The following STKLD1 variants were observed in gnomAD, a reference collection of about 807,000 sequenced individuals.
The protein encoded by STKLD1 is serine/threonine kinase like domain containing 1.
STKLD1 carries 79 observed loss-of-function variants against 80.4 expected under a neutral mutation model. That is an observed-to-expected ratio of 0.98 (90% CI 0.82 to 1.19). The LOEUF (loss-of-function observed/expected upper bound fraction) is 1.19. Ranked by LOEUF, STKLD1 falls within the 50% of genes most tolerant of loss-of-function variation. The pLI is 0.00. For synonymous variants in STKLD1, 393 were observed against 357.6 expected (o/e 1.10, Z -1.12); for missense variants, 841 against 856.0 (o/e 0.98, Z 0.22).
chr9:133,378,733 C>A (rs1261851045), intron 1 of STKLD1, among the ~76,000 whole-genome samples: 1 of 152,168 alleles, frequency 6.6e-6, no homozygotes, highest in Non-Finnish European at 1.5e-5. Context: ...TGAATAAGCC[C>A]TTTTTCTCTG....
intron 11 of STKLD1, 120 bp from the exon 12 acceptor site, chr9:133,400,293 C>A: frequency 1.4e-6 from 1 of 709,554 alleles, no homozygotes; most frequent in South Asian, 1.6e-5. Context: ...TGTCCTTCCC[C>A]CTTCTATTCA....
chr9:133,394,276 T>G lies in STKLD1; in HGVS notation c.584-15T>G. 6.3e-7 allele frequency: 1 copy of G among 1,580,014 alleles called. No individual in the cohort carries two copies. The highest frequency in any genetic ancestry group is 8.7e-7 in the Non-Finnish European group (1 of 1,149,052). On this transcript the variant is annotated splice_polypyrimidine_tract_variant and intron_variant, in intron 7 of 17. Coordinates refer to ENST00000371957, the MANE Select transcript of STKLD1 (RefSeq NM_153710.5). The surrounding 1 kb of genome is among the most constrained non-coding windows in gnomAD (Gnocchi z 4.9). ...AGCAAAGGACTCAGGGATCCCACCT[T>G]GCTTTTACCAACAGACCCCTTTCGT... is the stretch of plus-strand genomic sequence containing the variant.
chr9:133,403,881 G>A (rs1564386112), intron 15 of STKLD1, 39 bp from the exon 16 acceptor site: 8 of 1,609,734 alleles, frequency 5.0e-6, no homozygotes, highest in Non-Finnish European at 5.1e-6. Flanking sequence ...TGGGCCTCAT[G>A]GCACAGCAGG....
Position 133,405,554 on chromosome 9 carries a change from A to C in STKLD1, c.*133A>C. ...GGGAGGGGTAATCAGACCTCTCCAA[A>C]GAGTTTCCTGTCCATGACTGCTGGA... On this transcript the variant is annotated 3_prime_UTR_variant, in exon 18 of 18. Transcript: ENST00000371957. 2.3e-6 allele frequency: 2 copies of C among 878,670 alleles called. No individual in the cohort carries two copies. The highest frequency in any genetic ancestry group is 3.3e-6 in the Non-Finnish European group (2 of 604,342). 54.4% of individuals were successfully genotyped at this position (878,670 alleles called of 1,614,324 possible).
intron 5 of STKLD1, chr9:133,387,941 CAT>C (rs1838300996): frequency 1.6e-5 from 7 of 439,302 alleles, no homozygotes; most frequent in Non-Finnish European, 2.8e-5. Flanking sequence ...ACCAGCAAAT[CAT>C]GTGTTCATTG....
In STKLD1 at chr9:133,404,826, C is replaced by T. The variant is rs1554778387; in HGVS notation, c.1770C>T (p.Gly590=). The change falls in exon 17 of 18, where the codon GGC becomes GGT. Residue 590 remains glycine (G), a synonymous_variant. Coordinates refer to ENST00000371957, the MANE Select transcript of STKLD1 (RefSeq NM_153710.5). ...AAFKVVVQEE[G]GSGLSLIKET... ...TCAAGGTGGTGGTGCAGGAGGAGGG[C>T]GGCAGTGGCCTCAGCCTCATCAAGG... is the stretch of plus-strand genomic sequence containing the variant. 27 of 1,613,216 alleles carry T rather than the reference C, an allele frequency of 1.7e-5. No homozygotes were observed. The highest frequency in any genetic ancestry group is 2.2e-5 in the Non-Finnish European group (26 of 1,179,758).
Position 133,387,873 on chromosome 9 carries a change from C to T in STKLD1, c.396+325C>T, listed in dbSNP as rs1240532112. On this transcript the variant is annotated intron_variant, in intron 5 of 17. Coordinates refer to ENST00000371957, the MANE Select transcript of STKLD1 (RefSeq NM_153710.5). Reference sequence around the variant, plus strand: ...TGGACTCGTCCGGCATGCTGCCACTCCTGTCTGGTCTCCTTCCCTCAGCCT... The same window carrying T: ...TGGACTCGTCCGGCATGCTGCCACTTCTGTCTGGTCTCCTTCCCTCAGCCT... 4 of 495,494 alleles carry T rather than the reference C, an allele frequency of 8.1e-6. No individual in the cohort carries two copies. The East Asian group carries it at 2.3e-4, about 28-fold the overall frequency. 30.7% of individuals were successfully genotyped at this position (495,494 alleles called of 1,614,324 possible).
intron 7 of STKLD1, among the ~76,000 whole-genome samples, chr9:133,392,696 TGG>T (rs1838435891): frequency 8.8e-6 from 1 of 113,226 alleles, no homozygotes; most frequent in Non-Finnish European, 1.7e-5. Context: ...AGTAGGTGAG[TGG>T]ATGAGTGGAT....
intron 1 of STKLD1, among the ~76,000 whole-genome samples, chr9:133,377,232 T>A (rs1837999045): frequency 6.6e-6 from 1 of 151,496 alleles, no homozygotes; most frequent in South Asian, 2.1e-4. Context: ...TAAAAAAAAA[T>A]AGACGTTTCA....
chr9:133,380,557 G>A (rs2130263829), intron 2 of STKLD1, among the ~76,000 whole-genome samples: 27 of 152,260 alleles, frequency 1.8e-4, no homozygotes, highest in African/African-American at 3.8e-4. Context: ...GGGAGCTGAC[G>A]CGGGAGAATT....
At chr9:133,388,251 T>C (rs960855527) in intron 5 of STKLD1, among the ~76,000 whole-genome samples, 2 of 152,166 alleles carry the variant, frequency 1.3e-5, no homozygotes, top group Non-Finnish European at 2.9e-5. Flanking sequence ...TCAGTCTTGT[T>C]GTTGTTGTTG....
At position 133,376,433 on chromosome 9, in the gene STKLD1, GC is replaced by G; in HGVS notation, c.-39del. 1 of 1,535,340 alleles carries G rather than the reference GC, an allele frequency of 6.5e-7. No homozygotes were observed. Among genetic ancestry groups the G allele is most frequent in the East Asian group, 2.5e-5 (1 of 39,270 alleles). ...GTCCCACTGACCCACGCGGGGTGGGGCCAGGGGTGGACGCTCGCCCGTACGC... is the reference window on the plus strand; with the variant it reads ...GTCCCACTGACCCACGCGGGGTGGGGCAGGGGTGGACGCTCGCCCGTACGC... On this transcript the variant is annotated 5_prime_UTR_variant, in exon 1 of 18. Transcript: ENST00000371957.
rs181946907 is a variant in STKLD1 at position 133,389,366 on chromosome 9, G to A, written c.397-160G>A. ...GCTTTACCATCTGGAGAGCCACCAC[G>A]CTGAAGCCTCCTCCACCCTGAGCGC... is the stretch of plus-strand genomic sequence containing the variant. On this transcript the variant is annotated intron_variant, in intron 5 of 17. Transcript: ENST00000371957. The surrounding 1 kb of genome is among the most constrained non-coding windows in gnomAD (Gnocchi z 6.4). 1.3e-4 allele frequency: 131 copies of A among 985,342 alleles called. No homozygotes were observed. In the African/African-American group the frequency reaches 1.9e-3, roughly 14 times the overall value. The allele number at this position is 985,342 out of a possible 1,614,324, so 61.0% of individuals were successfully genotyped here.
chr9:133,399,893 AAGAG>A (rs1200133781), intron 11 of STKLD1, among the ~76,000 whole-genome samples: 17 of 141,946 alleles, frequency 1.2e-4, no homozygotes, highest in African/African-American at 5.0e-4. Flanking sequence ...AAAAAAAAAA[AAGAG>A]GGGGGGGTCT....
intron 2 of STKLD1, among the ~76,000 whole-genome samples, chr9:133,381,745 C>T (rs184472208): frequency 1.6e-4 from 24 of 152,340 alleles, no homozygotes; most frequent in Admixed American, 9.8e-4. Context: ...CCACTGTGCC[C>T]GGCCACAATG....
chr9:133,385,554 C>T lies in STKLD1; in HGVS notation c.220-63C>T. On this transcript the variant is annotated intron_variant, in intron 3 of 17. Coordinates refer to ENST00000371957, the MANE Select transcript of STKLD1 (RefSeq NM_153710.5). The surrounding 1 kb of genome is among the most constrained non-coding windows in gnomAD (Gnocchi z 4.9). Reference sequence around the variant, plus strand: ...TTTGTTGGGATGTGTGACAGAGAAGCCCGAGCTGAGAAAGGCGTGGAGAGG... The same window carrying T: ...TTTGTTGGGATGTGTGACAGAGAAGTCCGAGCTGAGAAAGGCGTGGAGAGG... 9.2e-6 allele frequency: 14 copies of T among 1,523,908 alleles called. No individual in the cohort carries two copies. The highest frequency in any genetic ancestry group is 1.3e-5 in the Non-Finnish European group (14 of 1,102,528). 94.4% of individuals were successfully genotyped at this position (1,523,908 alleles called of 1,614,324 possible).
Position 133,390,872 on chromosome 9 carries a change from C to A in STKLD1, c.583+76C>A. Reference sequence around the variant, plus strand: ...CAGGCGGCGTTGGCCACTCTGGGTGCTGGAGTGAGGCAACATCAAACAGCT... The same window carrying A: ...CAGGCGGCGTTGGCCACTCTGGGTGATGGAGTGAGGCAACATCAAACAGCT... On this transcript the variant is annotated intron_variant, in intron 7 of 17. Coordinates refer to ENST00000371957, the MANE Select transcript of STKLD1 (RefSeq NM_153710.5). The surrounding 1 kb of genome is among the most constrained non-coding windows in gnomAD (Gnocchi z 5.1). 8.9e-7 allele frequency: 1 copy of A among 1,120,862 alleles called. No homozygotes were observed. Among genetic ancestry groups the A allele is most frequent in the Non-Finnish European group, 1.4e-6 (1 of 736,296 alleles). 69.4% of individuals were successfully genotyped at this position (1,120,862 alleles called of 1,614,324 possible).
At chr9:133,381,318 T>C (rs1341238824) in intron 2 of STKLD1, among the ~76,000 whole-genome samples, 1 of 152,014 alleles carries the variant, frequency 6.6e-6, no homozygotes, top group East Asian at 1.9e-4. Flanking sequence ...TTTGTATTTT[T>C]AGTAGACGGG....
rs1838255535 is a variant in STKLD1 at position 133,385,948 on chromosome 9, C to T, written c.294+257C>T. Among the ~76,000 whole-genome samples, 1 of 151,434 alleles carries T rather than the reference C, an allele frequency of 6.6e-6. No individual in the cohort carries two copies. Among genetic ancestry groups the T allele is most frequent in the Non-Finnish European group, 1.5e-5 (1 of 67,872 alleles). On this transcript the variant is annotated intron_variant, in intron 4 of 17. Coordinates refer to ENST00000371957, the MANE Select transcript of STKLD1 (RefSeq NM_153710.5). The surrounding 1 kb of genome is among the most constrained non-coding windows in gnomAD (Gnocchi z 4.9). ...TTTTTTTTTTTTTTGGACAAAGTCT[C>T]GCTCTTGTCCCCCAGGCTGGAGTGT...
Sources: gnomAD v4.1 joint callset for allele counts (sites outside exome capture counted in the v4.1 genomes callset) on GRCh38, gnomAD v4.1.1 for gene constraint, Gnocchi (gnomAD v3.1) non-coding constraint, MANE v1.5 for transcripts, NCBI Gene and HGNC (gene_info 2026-07-23, HGNC 2026-07-21) for gene names.